The following ROBO4 variants were observed in gnomAD, a reference collection of about 807,000 sequenced individuals.
ROBO4 encodes the protein roundabout guidance receptor 4.
A neutral mutation model predicts 103.3 loss-of-function variants in ROBO4; 80 were observed. The observed-to-expected ratio is 0.77, with a 90% CI of 0.65 to 0.93. The LOEUF is 0.93. ROBO4 is among the 40% of genes least tolerant of loss of function. The probability of loss-of-function intolerance (pLI) is 0.00; values close to 1 mark genes in which losing one functional copy is unlikely to be tolerated. For missense variants in ROBO4, 1,333 were observed against 1,305.3 expected (o/e 1.02, Z -0.33); for synonymous variants, 504 against 529.7 (o/e 0.95, Z 0.67).
chr11:124,897,481 C>T, intron 1 of ROBO4: 1 of 583,418 alleles, frequency 1.7e-6, no homozygotes, highest in Admixed American at 3.0e-5. Context: ...CTCTCTCTCT[C>T]TCTCTCTCTC....
rs140504916 is a variant in ROBO4 at position 124,895,484 on chromosome 11, C to T, written c.1009G>A (p.Val337Met). The change falls in exon 6 of 18, where the codon GTG becomes ATG. Residue 337 changes from valine to methionine, a missense_variant. Physicochemically the swap from Val to Met is conservative, Grantham distance 21. Transcript: ENST00000306534. ...SGRARGPDSN[V>M]LLLRLPEKVP... ...TTTTCCGGCAGCCTCAGGAGCAGCACGTTGCTGTCAGGGCCTCGAGCCCGG... is the reference window on the plus strand; with the variant it reads ...TTTTCCGGCAGCCTCAGGAGCAGCATGTTGCTGTCAGGGCCTCGAGCCCGG... The T allele has an allele frequency of 8.1e-6, 13 of 1,610,598 alleles. No individual in the cohort carries two copies. The East Asian group carries it at 1.6e-4, about 19-fold the overall frequency.
rs780534938 is a variant in ROBO4, at chr11:124,896,161, C to T, written c.679+37G>A. ...AATACACCACCCCAACTGGAGCCTG[C>T]AGCCTGGCTCTGATTGTAGCCCACC... On this transcript the variant is annotated intron_variant, in intron 4 of 17. Transcript: ENST00000306534. 123 of 1,607,910 alleles carry T rather than the reference C, an allele frequency of 7.6e-5. 2 individuals carry two copies. In the South Asian group the frequency reaches 1.3e-3, roughly 17 times the overall value.
At chr11:124,893,643 C>A in intron 10 of ROBO4, 45 bp downstream of exon 10, 1 of 1,585,418 alleles carries the variant, frequency 6.3e-7, no homozygotes, top group Non-Finnish European at 8.7e-7. Flanking sequence ...CTCCACTGTC[C>A]CTTGCCACCC....
intron 16 of ROBO4, among the ~76,000 whole-genome samples, chr11:124,886,176 AAAAC>A (rs915857526): frequency 1.1e-4 from 17 of 152,322 alleles, no homozygotes; most frequent in African/African-American, 2.2e-4. Flanking sequence ...AAACAAAACA[AAAAC>A]AAACAAACAA....
rs1946896227 is a variant in ROBO4, at chr11:124,896,644, G to T, written c.427C>A (p.Pro143Thr). The T allele has an allele frequency of 6.2e-7, 1 of 1,614,146 alleles. No individual in the cohort carries two copies. The highest frequency in any genetic ancestry group is 8.5e-7 in the Non-Finnish European group (1 of 1,180,000). Residue 143 changes from proline (P) to threonine (T), a missense_variant, in exon 3 of 18, where the codon CCT (proline) becomes ACT (threonine). Transcript: ENST00000306534. ...CCCACCACAGCCACCATGTCCCGAG[G>T]CTGGATCTGGAAATCCTCCCGGAGG... ...AVLREDFQIQ[P>T]RDMVAVVGEQ...
At position 124,897,203 on chromosome 11, in the gene ROBO4, G is replaced by C. The variant is rs1946908950; in HGVS notation, c.129C>G (p.Phe43Leu). The change falls in exon 2 of 18, where the codon TTC (phenylalanine) becomes TTG (leucine). Residue 43 changes from phenylalanine (F) to leucine (L), a missense_variant. Physicochemically the swap from Phe to Leu is conservative, Grantham distance 22 (BLOSUM62 0). Coordinates refer to ENST00000306534, the MANE Select transcript of ROBO4 (RefSeq NM_019055.6). ...QILVHPQDQL[F>L]QGPGPARMSC... ...TCATCCTGGCAGGGCCAGGGCCCTG[G>C]AACAGCTGGTCCTGGGGGTGGACTA... The C allele has an allele frequency of 1.3e-6, 2 of 1,502,128 alleles. No homozygotes were observed. The highest frequency in any genetic ancestry group is 8.9e-7 in the Non-Finnish European group (1 of 1,125,898). The allele number at this position is 1,502,128 out of a possible 1,614,324, so 93.0% of individuals were successfully genotyped here. A position where few individuals can be genotyped will look rare whatever the true frequency, so the allele number is the denominator to read the frequency against.
chr11:124,894,977 G>C (rs1565326779), intron 7 of ROBO4, 104 bp downstream of exon 7: 2 of 888,718 alleles, frequency 2.3e-6, no homozygotes, highest in East Asian at 5.2e-5. Context: ...TTGCTTCTCT[G>C]CCCAGGTACC....
chr11:124,886,547 G>A lies in ROBO4; in HGVS notation c.2711C>T (p.Ala904Val), dbSNP rs762816420. Residue 904 changes from alanine to valine, a missense_variant, in exon 16 of 18, where the codon GCT becomes GTT. By Grantham distance (64) the Ala-to-Val change is moderately conservative. Coordinates refer to ENST00000306534, the MANE Select transcript of ROBO4 (RefSeq NM_019055.6). ...SSSDGSFLAD[A>V]HFARALAVAV... The stretch of plus-strand genomic sequence containing the variant: ...CACTGCCAGGGCCCGGGCAAAGTGA[G>A]CATCAGCGAGGAAGGAGCCATCGGA... The A allele has an allele frequency of 6.2e-7, 1 of 1,614,234 alleles. No individual in the cohort carries two copies. Among genetic ancestry groups the A allele is most frequent in the East Asian group, 2.2e-5 (1 of 44,884 alleles).
chr11:124,896,559 C>G lies in ROBO4; in HGVS notation c.512G>C (p.Trp171Ser). ...GGCCAGGGGTTTCCCATCTTTCCACCATGAGACTGTGGGCTCTGGGTGGCC... is the reference window on the plus strand; with the variant it reads ...GGCCAGGGGTTTCCCATCTTTCCACGATGAGACTGTGGGCTCTGGGTGGCC... ...PWGHPEPTVS[W>S]WKDGKPLALQ... The change falls in exon 3 of 18, where the codon TGG becomes TCG. Residue 171 changes from tryptophan to serine, a missense_variant. Physicochemically the swap from Trp to Ser is radical, Grantham distance 177. Coordinates refer to ENST00000306534, the MANE Select transcript of ROBO4 (RefSeq NM_019055.6). The G allele has an allele frequency of 6.2e-7, 1 of 1,614,188 alleles. No individual in the cohort carries two copies. The highest frequency in any genetic ancestry group is 8.5e-7 in the Non-Finnish European group (1 of 1,180,014).
chr11:124,891,583 G>A (rs751267101), intron 11 of ROBO4, 21 bp from the exon 12 acceptor site: 27 of 1,614,104 alleles, frequency 1.7e-5, no homozygotes, highest in Non-Finnish European at 2.2e-5. Flanking sequence ...AATGACAGGA[G>A]GAATTATGGT....
chr11:124,887,161 T>G lies in ROBO4; in HGVS notation c.2251A>C (p.Ile751Leu). Residue 751 changes from isoleucine (I) to leucine (L), a missense_variant, in exon 15 of 18, where the codon ATC (isoleucine) becomes CTC (leucine). Transcript: ENST00000306534. Reference sequence around the variant, plus strand: ...GGACTGCAGGGGCTAAGGATGGGGATGGGGGCTGCTGGCAGCAGGATGGAG... The same window carrying G: ...GGACTGCAGGGGCTAAGGATGGGGAGGGGGGCTGCTGGCAGCAGGATGGAG... ...PSSILLPAAP[I>L]PILSPCSPPS... 1 of 1,604,600 alleles carries G rather than the reference T, an allele frequency of 6.2e-7. No individual in the cohort carries two copies. Among genetic ancestry groups the G allele is most frequent in the Admixed American group, 1.7e-5 (1 of 59,342 alleles).
intron 17 of ROBO4, 46 bp from the exon 18 acceptor site, chr11:124,884,959 C>T (rs775362340): frequency 1.2e-6 from 2 of 1,614,092 alleles, no homozygotes; most frequent in Middle Eastern, 1.6e-4. Flanking sequence ...TCTCCCTTCC[C>T]CAGTGCCAGG....
chr11:124,893,370 A>G (rs938589011), intron 10 of ROBO4, among the ~76,000 whole-genome samples: 1 of 152,224 alleles, frequency 6.6e-6, no homozygotes, highest in African/African-American at 2.4e-5. Flanking sequence ...TGCACGCATA[A>G]GATGAGACAT....
intron 10 of ROBO4, chr11:124,893,147 T>C (rs1483181692): frequency 4.9e-5 from 8 of 162,440 alleles, no homozygotes; most frequent in Non-Finnish European, 1.1e-4. Flanking sequence ...TCTATCAGCA[T>C]GATGTCCCAG....
rs201650954 is a variant in ROBO4 at position 124,885,134 on chromosome 11, G to A, written c.2908C>T (p.Gln970Ter). 1.8e-5 allele frequency: 29 copies of A among 1,614,106 alleles called. No homozygotes were observed. In the South Asian group the frequency reaches 2.4e-4, roughly 13 times the overall value. Residue 970 changes from glutamine (Q) to a stop codon, truncating the protein, a stop_gained, in exon 17 of 18, where the codon CAG becomes TAG. Transcript: ENST00000306534. LOFTEE classifies it high-confidence loss of function. Reference protein sequence around the residue: ...WLEDMEVSHTQRLGRGMPPWP... With the variant: ...WLEDMEVSHT ...GGAGGCATCCCCCTTCCCAGCCGCTGGGTGTGGCTGACCTCCATGTCTTCC... is the reference window on the plus strand; with the variant it reads ...GGAGGCATCCCCCTTCCCAGCCGCTAGGTGTGGCTGACCTCCATGTCTTCC...
At position 124,887,776 on chromosome 11, in the gene ROBO4, ACAGGC is replaced by A; in HGVS notation, c.2008_2012del (p.Ala670Ter). The A allele has an allele frequency of 6.2e-7, 1 of 1,613,928 alleles. No individual in the cohort carries two copies. Among genetic ancestry groups the A allele is most frequent in the Non-Finnish European group, 8.5e-7 (1 of 1,179,940 alleles). On this transcript the variant is annotated frameshift_variant, in exon 13 of 18. Transcript: ENST00000306534. LOFTEE classifies it high-confidence loss of function. ...TCTTGGAACCTCTATTTCCTAACTC[ACAGGC>A]CCGGAGCTCCAAGGAGTGGCTGCCC...
intron 12 of ROBO4, 108 bp from the exon 13 acceptor site, chr11:124,887,948 C>T (rs1946743730): frequency 1.2e-6 from 1 of 867,096 alleles, no homozygotes; most frequent in Non-Finnish European, 1.8e-6. Context: ...ACCCTGAACC[C>T]AGAGAAAAGA....
In ROBO4 at chr11:124,886,977, C is replaced by G. The variant is rs1399003085; in HGVS notation, c.2435G>C (p.Arg812Thr). Residue 812 changes from arginine (R) to threonine (T), a missense_variant and splice_region_variant, in exon 15 of 18, where the codon AGG becomes ACG. Coordinates refer to ENST00000306534, the MANE Select transcript of ROBO4 (RefSeq NM_019055.6). ...LELSEGEETP[R>T]NSVSPMPRAP... is the part of the protein sequence containing the mutation. ...TTTGGTTATCTCTCAAGCTACTCAC[C>G]TGGGAGTCTCCTCACCCTCACTGAG... 6.2e-7 allele frequency: 1 copy of G among 1,604,842 alleles called. No homozygotes were observed. The highest frequency in any genetic ancestry group is 1.3e-5 in the African/African-American group (1 of 74,682).
intron 10 of ROBO4, 61 bp from the exon 11 acceptor site, chr11:124,891,863 G>C (rs781517185): frequency 2.5e-6 from 4 of 1,588,344 alleles, no homozygotes; most frequent in Non-Finnish European, 3.4e-6. Flanking sequence ...GAACCTTTTT[G>C]GCCAAGACTT....
Sources: allele counts gnomAD v4.1 joint callset (sites outside exome capture counted in the v4.1 genomes callset), GRCh38; gene constraint gnomAD v4.1.1; transcripts MANE v1.5; gene names NCBI Gene and HGNC (gene_info 2026-07-23, HGNC 2026-07-21).